The following ZDHHC6 variants were observed in gnomAD, a reference collection of about 807,000 sequenced individuals.
ZDHHC6 encodes zDHHC palmitoyltransferase 6, also known as palmitoyltransferase ZDHHC6.
In ZDHHC6, 32 loss-of-function variants were observed where a neutral mutation model predicts 57.8. The observed-to-expected ratio is 0.55, with a 90% CI of 0.42 to 0.74. The LOEUF is 0.74. Among genes scored for constraint, ZDHHC6 ranks in the 30% least tolerant of loss-of-function variants. The pLI, the probability that ZDHHC6 is intolerant of heterozygous loss-of-function variation, is 0.00. For missense variants in ZDHHC6, 433 were observed against 500.7 expected (o/e 0.86, Z 1.29); for synonymous variants, 128 against 158.0 (o/e 0.81, Z 1.42).
intron 10 of ZDHHC6, 57 bp downstream of exon 10, chr10:112,432,183 A>T: frequency 6.6e-7 from 1 of 1,524,930 alleles, no homozygotes; most frequent in Non-Finnish European, 8.8e-7. Context: ...ATTCTTGTAA[A>T]ATTTGGAATT....
intron 8 of ZDHHC6, 35 bp downstream of exon 8, chr10:112,433,205 G>GAA: frequency 1.3e-6 from 2 of 1,527,902 alleles, no homozygotes; most frequent in Non-Finnish European, 1.8e-6. Flanking sequence ...CCTAACAAAA[G>GAA]AAAAAAAAAT....
At chr10:112,440,398 G>A in intron 5 of ZDHHC6, 136 bp downstream of exon 5, 1 of 948,894 alleles carries the variant, frequency 1.1e-6, no homozygotes, top group Non-Finnish European at 1.5e-6. Flanking sequence ...ATACAAAGGA[G>A]ATTAGTTACC....
exon 12 of ZDHHC6, chr10:112,424,551 C>T (rs561832859): frequency 1.4e-4 from 22 of 152,336 alleles, no homozygotes; most frequent in African/African-American, 4.8e-4. Flanking sequence ...TATGTCCCCA[C>T]ACCAGGGTTA....
At chr10:112,437,047 T>C (rs1057264082) in intron 6 of ZDHHC6, among the ~76,000 whole-genome samples, 1 of 152,008 alleles carries the variant, frequency 6.6e-6, no homozygotes, top group Non-Finnish European at 1.5e-5. Flanking sequence ...GAACATTTTC[T>C]CAAAAACGAA....
At chr10:112,434,810 GA>G (rs1845371732) in intron 6 of ZDHHC6, among the ~76,000 whole-genome samples, 1 of 152,200 alleles carries the variant, frequency 6.6e-6, no homozygotes, top group Non-Finnish European at 1.5e-5. Context: ...CAGGTATATA[GA>G]AGGGATGCAG....
intron 5 of ZDHHC6, 64 bp from the exon 6 acceptor site, chr10:112,438,453 C>A: frequency 8.4e-7 from 1 of 1,193,684 alleles, no homozygotes; most frequent in Non-Finnish European, 1.1e-6. Flanking sequence ...TTATCATATT[C>A]ATAATTCTCT....
chr10:112,428,696 G>A (rs971245237), downstream of ZDHHC6, among the ~76,000 whole-genome samples: 1 of 151,892 alleles, frequency 6.6e-6, no homozygotes, highest in African/African-American at 2.4e-5. Flanking sequence ...GCATGAACCC[G>A]AGAGGCGGAG....
chr10:112,430,679 C>T lies in ZDHHC6; in HGVS notation c.*125G>A, dbSNP rs892692416. 2.9e-6 allele frequency: 2 copies of T among 692,436 alleles called. No individual in the cohort carries two copies. Among genetic ancestry groups the T allele is most frequent in the Non-Finnish European group, 4.4e-6 (2 of 449,588 alleles). 42.9% of individuals were successfully genotyped at this position (692,436 alleles called of 1,614,324 possible). ...GGTAATAAAAATATTTAAATCATGG[C>T]ACTAGGGCACCTTTGAGGAAAAGAA... On this transcript the variant is annotated 3_prime_UTR_variant, in exon 11 of 11. Transcript: ENST00000369405.
intron 1 of ZDHHC6, 69 bp from the exon 2 acceptor site, chr10:112,445,719 T>C (rs1846595519): frequency 2.0e-6 from 1 of 501,304 alleles, no homozygotes; most frequent in Admixed American, 3.5e-5. Context: ...CATACCATAC[T>C]TGTTAACTAC....
downstream of ZDHHC6, among the ~76,000 whole-genome samples, chr10:112,428,693 C>A (rs1453102671): frequency 6.6e-6 from 1 of 151,924 alleles, no homozygotes; most frequent in African/African-American, 2.4e-5. Flanking sequence ...ATGGCATGAA[C>A]CCGAGAGGCG....
chr10:112,432,192 T>A, intron 10 of ZDHHC6, 48 bp downstream of exon 10: 2 of 1,545,290 alleles, frequency 1.3e-6, no homozygotes, highest in Non-Finnish European at 1.7e-6. Context: ...AAATTTGGAA[T>A]TATTGCTAAT....
intron 7 of ZDHHC6, 71 bp downstream of exon 7, chr10:112,434,226 T>G (rs533661996): frequency 1.4e-6 from 2 of 1,417,332 alleles, no homozygotes; most frequent in African/African-American, 2.9e-5. Context: ...AAAATGTCAC[T>G]TGAGTTGAGG....
intron 4 of ZDHHC6, 45 bp downstream of exon 4, chr10:112,442,147 C>G: frequency 6.5e-7 from 1 of 1,538,792 alleles, no homozygotes; most frequent in Non-Finnish European, 8.7e-7. Context: ...ACCATTTAAT[C>G]TTGCATGGAT....
At chr10:112,444,638 C>A (rs1159982146) in intron 2 of ZDHHC6, among the ~76,000 whole-genome samples, 1 of 152,198 alleles carries the variant, frequency 6.6e-6, no homozygotes, top group African/African-American at 2.4e-5. Context: ...GACAAGCCAT[C>A]AGGTGTGGTC....
intron 5 of ZDHHC6, 128 bp downstream of exon 5, chr10:112,440,406 A>T: frequency 9.9e-7 from 1 of 1,013,564 alleles, no homozygotes; most frequent in Non-Finnish European, 1.4e-6. Context: ...GAGATTAGTT[A>T]CCTAAATGAA....
chr10:112,445,636 G>T lies in ZDHHC6; in HGVS notation c.-200C>A. The T allele has an allele frequency of 1.6e-6, 1 of 609,272 alleles. No individual in the cohort carries two copies. The highest frequency in any genetic ancestry group is 2.7e-6 in the Non-Finnish European group (1 of 367,700). The allele number at this position is 609,272 out of a possible 1,614,324, so 37.7% of individuals were successfully genotyped here. The stretch of plus-strand genomic sequence containing the variant: ...CTTAACTAGGAGAATCCAGTGTCTT[G>T]GTCTGAAACCCAACCTAAAGAAAAC... On this transcript the variant is annotated 5_prime_UTR_variant, in exon 2 of 11. Coordinates refer to ENST00000369405, the MANE Select transcript of ZDHHC6 (RefSeq NM_022494.3).
In ZDHHC6 at chr10:112,430,782, G is replaced by A. The variant is rs1844946658; in HGVS notation, c.*22C>T. ...TTCAAGTAATTAAGCAGACTTAAAG[G>A]ATAATTTTGTTTTAACAGCAGCTAT... On this transcript the variant is annotated 3_prime_UTR_variant, in exon 11 of 11. Coordinates refer to ENST00000369405, the MANE Select transcript of ZDHHC6 (RefSeq NM_022494.3). The A allele has an allele frequency of 1.3e-6, 2 of 1,595,304 alleles. No individual in the cohort carries two copies. The highest frequency in any genetic ancestry group is 8.6e-7 in the Non-Finnish European group (1 of 1,165,590).
chr10:112,441,148 T>G (rs1846084752), intron 4 of ZDHHC6, among the ~76,000 whole-genome samples: 1 of 152,120 alleles, frequency 6.6e-6, no homozygotes, highest in Middle Eastern at 3.2e-3. Flanking sequence ...CTGGGCCAGC[T>G]ATTTTTAATT....
chr10:112,434,188 A>C (rs1845298696), intron 7 of ZDHHC6, 109 bp downstream of exon 7: 2 of 1,110,002 alleles, frequency 1.8e-6, no homozygotes, highest in Non-Finnish European at 2.5e-6. Context: ...TGACATAGTG[A>C]AAACATTCAT....
Sources: allele counts gnomAD v4.1 joint callset (sites outside exome capture counted in the v4.1 genomes callset), GRCh38; gene constraint gnomAD v4.1.1; transcripts MANE v1.5; gene names NCBI Gene and HGNC (gene_info 2026-07-23, HGNC 2026-07-21).